The following TANGO6 variants were observed in gnomAD, a reference collection of about 807,000 sequenced individuals.
TANGO6 encodes the protein transport and Golgi organization protein 6 homolog.
A neutral mutation model predicts 114.2 loss-of-function variants in TANGO6; 90 were observed. The ratio of observed to expected loss-of-function variants is 0.79; its 90% confidence interval spans 0.66 to 0.94. The LOEUF (loss-of-function observed/expected upper bound fraction) is 0.94. Ranked by LOEUF, TANGO6 falls within the 40% of genes least tolerant of loss-of-function variation. TANGO6 has a pLI of 0.00. For missense variants in TANGO6, 1,274 were observed against 1,315.3 expected (o/e 0.97, Z 0.49); for synonymous variants, 477 against 509.8 (o/e 0.94, Z 0.87).
At chr16:68,929,070 C>T (rs893844539) in intron 13 of TANGO6, among the ~76,000 whole-genome samples, 2 of 152,140 alleles carry the variant, frequency 1.3e-5, no homozygotes, top group African/African-American at 4.8e-5. Flanking sequence ...AGGTGCCCAC[C>T]AACACACCCA....
chr16:68,970,715 T>G (rs1963694503), intron 14 of TANGO6, among the ~76,000 whole-genome samples: 1 of 150,964 alleles, frequency 6.6e-6, no homozygotes, highest in Non-Finnish European at 1.5e-5. Flanking sequence ...AAGAGGGACT[T>G]TAGTAATAGG....
chr16:68,943,146 C>T (rs900366965), intron 14 of TANGO6, among the ~76,000 whole-genome samples: 1 of 151,922 alleles, frequency 6.6e-6, no homozygotes, highest in South Asian at 2.1e-4. Context: ...AGCAATCAGC[C>T]TGCCTCAGTC....
intron 8 of TANGO6, among the ~76,000 whole-genome samples, chr16:68,901,515 G>A (rs1000673770): frequency 2.0e-5 from 3 of 152,172 alleles, no homozygotes; most frequent in African/African-American, 7.2e-5. Context: ...TTGAGACGGA[G>A]TCTCGCTCTG....
intron 12 of TANGO6, among the ~76,000 whole-genome samples, chr16:68,922,946 T>A (rs1025612288): frequency 1.4e-5 from 2 of 138,326 alleles, no homozygotes; most frequent in Admixed American, 1.4e-4. Context: ...CATGTTTTTT[T>A]TTTTTTTTTT....
At chr16:69,083,273 C>G (rs1960492781) in intron 17 of TANGO6, among the ~76,000 whole-genome samples, 1 of 151,992 alleles carries the variant, frequency 6.6e-6, no homozygotes, top group African/African-American at 2.4e-5. Context: ...GTTGCCCACG[C>G]TGGTCTCAAA....
intron 11 of TANGO6, among the ~76,000 whole-genome samples, chr16:68,911,685 A>G (rs1465306415): frequency 6.6e-6 from 1 of 152,116 alleles, no homozygotes; most frequent in Non-Finnish European, 1.5e-5. Context: ...AAGTGCTGGG[A>G]TTACAGGCAT....
At chr16:68,851,935 A>G (rs904927485) in intron 1 of TANGO6, among the ~76,000 whole-genome samples, 2 of 152,196 alleles carry the variant, frequency 1.3e-5, no homozygotes, top group African/African-American at 4.8e-5. Flanking sequence ...TCATATGTTC[A>G]TGTTTAAGGG....
At chr16:68,917,675 C>G in intron 11 of TANGO6, among the ~76,000 whole-genome samples, 1 of 152,144 alleles carries the variant, frequency 6.6e-6, no homozygotes, top group Non-Finnish European at 1.5e-5. Context: ...GGATGTGGAG[C>G]ATCTTTTCAT....
intron 14 of TANGO6, among the ~76,000 whole-genome samples, chr16:68,932,131 C>T (rs565140481): frequency 6.6e-6 from 1 of 151,838 alleles, no homozygotes; most frequent in African/African-American, 2.4e-5. Flanking sequence ...ACTCTTGTTG[C>T]CCAGACTGGA....
intron 7 of TANGO6, among the ~76,000 whole-genome samples, chr16:68,897,185 T>C (rs1367478911): frequency 6.6e-6 from 1 of 152,030 alleles, no homozygotes; most frequent in East Asian, 1.9e-4. Context: ...ACAGGTGCCG[T>C]GAACCGCTGT....
intron 7 of TANGO6, chr16:68,900,221 T>C (rs1962763608): frequency 1.8e-6 from 1 of 554,714 alleles, no homozygotes; most frequent in Non-Finnish European, 3.2e-6. Flanking sequence ...ACACATGAAA[T>C]GGTGCTGCTC....
At position 68,887,151 on chromosome 16, in the gene TANGO6, A is replaced by G. The variant is rs187853728; in HGVS notation, c.1377+6521A>G. Among the ~76,000 whole-genome samples, 8 of 152,306 alleles carry G rather than the reference A, an allele frequency of 5.3e-5. No homozygotes were observed. In the East Asian group the frequency reaches 1.5e-3, roughly 29 times the overall value. ...TTCTCTCCCCTCTTTCTGGAAGAGC[A>G]GTTTTTATAATCCCCAACCTGTTCC... On this transcript the variant is annotated intron_variant, in intron 7 of 17. Transcript: ENST00000261778.
chr16:68,970,811 T>C (rs1963695487), intron 14 of TANGO6, among the ~76,000 whole-genome samples: 1 of 152,170 alleles, frequency 6.6e-6, no homozygotes, highest in African/African-American at 2.4e-5. Flanking sequence ...ATGACTACAT[T>C]CCTAAAAGGA....
intron 15 of TANGO6, among the ~76,000 whole-genome samples, chr16:69,016,265 G>A (rs1224955852): frequency 6.6e-6 from 1 of 152,124 alleles, no homozygotes; most frequent in Non-Finnish European, 1.5e-5. Flanking sequence ...AGGCGTGGTG[G>A]CACATGCCTG....
chr16:68,864,893 C>T (rs542795894), intron 3 of TANGO6, among the ~76,000 whole-genome samples: 2 of 152,192 alleles, frequency 1.3e-5, no homozygotes, highest in East Asian at 3.9e-4. Context: ...ACACCATAAT[C>T]CCTCAGTAAA....
In TANGO6 at chr16:69,058,840, G is replaced by A. The variant is rs549653152; in HGVS notation, c.3108+18419G>A. 3.9e-3 allele frequency among the ~76,000 whole-genome samples: 591 copies of A among 149,978 alleles called. 3 individuals are homozygous for A. The highest frequency in any genetic ancestry group is 6.0e-3 in the Non-Finnish European group (408 of 67,576). ...GCCACCACACCTGGCTAATTTTTTTGTATTTTTAGTAGAGATAGGGTTTCA... is the reference window on the plus strand; with the variant it reads ...GCCACCACACCTGGCTAATTTTTTTATATTTTTAGTAGAGATAGGGTTTCA... On this transcript the variant is annotated intron_variant, in intron 17 of 17. Transcript: ENST00000261778.
Position 68,927,963 on chromosome 16 carries a change from G to A in TANGO6, c.2523G>A (p.Glu841=). The A allele has an allele frequency of 6.2e-7, 1 of 1,613,708 alleles. No homozygotes were observed. The highest frequency in any genetic ancestry group is 1.1e-5 in the South Asian group (1 of 91,018). ...GCGTAACCACAGAACAGCTCCAAGA[G>A]GTTCTTTTGTCAGCTTATGACCCTC... The part of the protein sequence containing the change: ...SGSVTTEQLQ[E]VLLSAYDPQI... Residue 841 remains glutamate (E), a synonymous_variant, in exon 13 of 18, where the codon GAG becomes GAA. Coordinates refer to ENST00000261778, the MANE Select transcript of TANGO6 (RefSeq NM_024562.2).
At chr16:68,904,683 C>T (rs1567536195) in intron 9 of TANGO6, among the ~76,000 whole-genome samples, 1 of 152,140 alleles carries the variant, frequency 6.6e-6, no homozygotes, top group Non-Finnish European at 1.5e-5. Flanking sequence ...ACAAAAAACA[C>T]ATAAAGAGGA....
chr16:68,906,432 C>G (rs549469337), intron 9 of TANGO6, among the ~76,000 whole-genome samples: 11 of 152,172 alleles, frequency 7.2e-5, no homozygotes, highest in Non-Finnish European at 1.2e-4. Context: ...TGAATGACAT[C>G]CAAGGCCTTC....
Sources: gnomAD v4.1 joint callset for allele counts (sites outside exome capture counted in the v4.1 genomes callset) on GRCh38, gnomAD v4.1.1 for gene constraint, MANE v1.5 for transcripts, NCBI Gene and HGNC (gene_info 2026-07-23, HGNC 2026-07-21) for gene names.